Variants in CALCRL observed in about 807,000 individuals in gnomAD.
CALCRL encodes calcitonin receptor like receptor, also known as calcitonin gene-related peptide type 1 receptor.
In CALCRL, 27 loss-of-function variants were observed where a neutral mutation model predicts 60.4. That is an observed-to-expected ratio of 0.45 (90% CI 0.33 to 0.62). The LOEUF (loss-of-function observed/expected upper bound fraction) is 0.62, where lower values mean the gene tolerates loss of function less well. CALCRL is among the 20% of genes least tolerant of loss of function. The probability of loss-of-function intolerance (pLI) is 0.03; values close to 1 mark genes in which losing one functional copy is unlikely to be tolerated. For missense variants in CALCRL, 424 were observed against 540.7 expected, an observed-to-expected ratio of 0.78 and a Z score of 2.14; for synonymous variants, 190 against 182.6, an observed-to-expected ratio of 1.04 and a Z score of -0.33.
At chr2:187,361,733 T>TA (rs1006219088) in intron 9 of CALCRL, among the ~76,000 whole-genome samples, 2 of 151,916 alleles carry the variant, frequency 1.3e-5, no homozygotes, top group East Asian at 1.9e-4. Flanking sequence ...ATTTTATAGA[T>TA]AAAAAAACTT....
chr2:187,358,364 TAATAAA>T (rs1346317300), intron 12 of CALCRL, among the ~76,000 whole-genome samples: 2 of 152,006 alleles, frequency 1.3e-5, no homozygotes, highest in African/African-American at 4.8e-5. Flanking sequence ...TCAATTAAAA[TAATAAA>T]AATAATAATA....
intron 1 of CALCRL, among the ~76,000 whole-genome samples, chr2:187,441,419 A>T (rs1359569058): frequency 6.6e-6 from 1 of 152,028 alleles, no homozygotes; most frequent in Non-Finnish European, 1.5e-5. Flanking sequence ...GGCAGCCAGT[A>T]TGGATTAAGA....
At position 187,380,591 on chromosome 2, in the gene CALCRL, A is replaced by C; in HGVS notation, c.296-12T>G. 1 of 1,599,898 alleles carries C rather than the reference A, an allele frequency of 6.3e-7. No homozygotes were observed. On this transcript the variant is annotated splice_polypyrimidine_tract_variant and intron_variant, in intron 6 of 14. Coordinates refer to ENST00000392370, the MANE Select transcript of CALCRL (RefSeq NM_005795.6). ...CTTTGTAACTTTTTCTTTAAAATTA[A>C]AAAAAAAGGGAAAACAGGAATTTAA...
At chr2:187,364,237 T>C (rs1687182404) in intron 8 of CALCRL, among the ~76,000 whole-genome samples, 1 of 152,164 alleles carries the variant, frequency 6.6e-6, no homozygotes, top group Admixed American at 6.5e-5. Flanking sequence ...CACTCTTAGA[T>C]TGAATCCACC....
At chr2:187,378,880 T>C in intron 8 of CALCRL, 60 bp downstream of exon 8, 1 of 894,068 alleles carries the variant, frequency 1.1e-6, no homozygotes, top group East Asian at 2.4e-5. Context: ...AATATGCACA[T>C]GATGGGGCAT....
intron 1 of CALCRL, among the ~76,000 whole-genome samples, chr2:187,414,898 AAAG>A (rs1479476566): frequency 2.0e-5 from 3 of 150,666 alleles, no homozygotes; most frequent in East Asian, 1.9e-4. Context: ...TTAAAAAAAA[AAAG>A]GTAGTCTCTT....
At chr2:187,421,048 A>G (rs1315669771) in intron 1 of CALCRL, among the ~76,000 whole-genome samples, 1 of 152,210 alleles carries the variant, frequency 6.6e-6, no homozygotes, top group Non-Finnish European at 1.5e-5. Context: ...ATGGTTACAT[A>G]GATCAGCAGC....
rs912765274 is a variant in CALCRL at position 187,344,678 on chromosome 2, G to A, written c.*1506C>T. ...ATATATTCAAGTATTTCCCTAATTT[G>A]TATTATATACAGTAGCTCTATTAAA... On this transcript the variant is annotated 3_prime_UTR_variant, in exon 15 of 15. Transcript: ENST00000392370. 2.0e-5 allele frequency: 3 copies of A among 151,462 alleles called. No homozygotes were observed. Among genetic ancestry groups the A allele is most frequent in the African/African-American group, 7.3e-5 (3 of 41,320 alleles). 9.4% of individuals were successfully genotyped at this position (151,462 alleles called of 1,614,324 possible).
At chr2:187,378,107 G>A (rs1687839345) in intron 8 of CALCRL, among the ~76,000 whole-genome samples, 1 of 149,628 alleles carries the variant, frequency 6.7e-6, no homozygotes, top group South Asian at 2.1e-4. Flanking sequence ...AGGAGGAGGA[G>A]GAAAAAGAAG....
At position 187,366,191 on chromosome 2, in the gene CALCRL, C is replaced by A. The variant is rs548339624; in HGVS notation, c.501-2689G>T. Among the ~76,000 whole-genome samples, 39 of 134,514 alleles carry A rather than the reference C, an allele frequency of 2.9e-4. No individual in the cohort carries two copies. The South Asian group carries it at 7.4e-3, about 26-fold the overall frequency. The allele number at this position is 134,514 out of a possible 152,430, so 88.2% of individuals were successfully genotyped here. On this transcript the variant is annotated intron_variant, in intron 8 of 14. Transcript: ENST00000392370. ...CCGGGAAGCGGAGCTTGCAGTGAGC[C>A]GAGATTGCGCCACTGCAGTCCGCAG...
chr2:187,374,890 A>C (rs1687681003), intron 8 of CALCRL, among the ~76,000 whole-genome samples: 1 of 152,156 alleles, frequency 6.6e-6, no homozygotes, highest in African/African-American at 2.4e-5. Flanking sequence ...TATTTAAAGC[A>C]AAATCAGGCT....
chr2:187,351,844 A>G (rs1185658775), intron 14 of CALCRL, 76 bp downstream of exon 14: 1 of 889,130 alleles, frequency 1.1e-6, no homozygotes, highest in East Asian at 2.6e-5. Flanking sequence ...TTATAATTTT[A>G]TCTCATTTAA....
chr2:187,418,562 G>A (rs1254000468), intron 1 of CALCRL, among the ~76,000 whole-genome samples: 1 of 151,964 alleles, frequency 6.6e-6, no homozygotes, highest in African/African-American at 2.4e-5. Context: ...ATCTTCCTAA[G>A]GGTATAGGTC....
rs543856329 is a variant in CALCRL at position 187,414,159 on chromosome 2, A to G, written c.-292-26403T>C. ...TAACAGGAGGAAAGGAAAGCATCAT[A>G]TCTAAATTGGGACAGCAACATAATA... is the stretch of plus-strand genomic sequence containing the variant. On this transcript the variant is annotated intron_variant, in intron 1 of 14. Coordinates refer to ENST00000392370, the MANE Select transcript of CALCRL (RefSeq NM_005795.6). 6.9e-4 allele frequency among the ~76,000 whole-genome samples: 105 copies of G among 152,234 alleles called. 1 individual carries two copies. The highest frequency in any genetic ancestry group is 2.5e-3 in the African/African-American group (102 of 41,566).
intron 7 of CALCRL, among the ~76,000 whole-genome samples, chr2:187,379,715 T>G (rs1045406156): frequency 3.1e-4 from 47 of 152,178 alleles, no homozygotes; most frequent in African/African-American, 1.1e-3. Flanking sequence ...ATGCTAATCT[T>G]TTAAGTATTT....
chr2:187,357,950 AC>A (rs1559040528), intron 12 of CALCRL, among the ~76,000 whole-genome samples: 2 of 152,092 alleles, frequency 1.3e-5, no homozygotes, highest in South Asian at 4.2e-4. Context: ...AACAACAACA[AC>A]AAAATGAATA....
At chr2:187,400,402 C>T (rs558898550) in intron 1 of CALCRL, among the ~76,000 whole-genome samples, 6 of 151,206 alleles carry the variant, frequency 4.0e-5, no homozygotes, top group Admixed American at 1.3e-4. Flanking sequence ...AGAAAGAATA[C>T]GGGAAATTAT....
chr2:187,427,216 G>A (rs1030306695), intron 1 of CALCRL, among the ~76,000 whole-genome samples: 9 of 152,164 alleles, frequency 5.9e-5, no homozygotes, highest in African/African-American at 9.7e-5. Flanking sequence ...TGGCAGATCA[G>A]TTTTAGGAAG....
intron 1 of CALCRL, among the ~76,000 whole-genome samples, chr2:187,405,738 G>A (rs918837578): frequency 6.6e-6 from 1 of 152,028 alleles, no homozygotes; most frequent in African/African-American, 2.4e-5. Context: ...ATTTGTGCAA[G>A]GAGATAAAAT....
Sources: gnomAD v4.1 joint callset for allele counts (sites outside exome capture counted in the v4.1 genomes callset) on GRCh38, gnomAD v4.1.1 for gene constraint, MANE v1.5 for transcripts, NCBI Gene and HGNC (gene_info 2026-07-23, HGNC 2026-07-21) for gene names.